The following SORCS2 variants were observed in gnomAD, a reference collection of about 807,000 sequenced individuals.
SORCS2 encodes the protein sortilin related VPS10 domain containing receptor 2, also known as VPS10 domain-containing receptor SorCS2.
In SORCS2, 100 loss-of-function variants were observed where a neutral mutation model predicts 141.6. The ratio of observed to expected loss-of-function variants is 0.71; its 90% CI spans 0.60 to 0.83. The LOEUF (loss-of-function observed/expected upper bound fraction) is 0.83. SORCS2 is among the 40% of genes least tolerant of loss of function. SORCS2 has a pLI of 0.00. For missense variants in SORCS2, 1,646 were observed against 1,560.2 expected, an observed-to-expected ratio of 1.05 and a Z score of -0.93; for synonymous variants, 789 against 676.9, an observed-to-expected ratio of 1.17 and a Z score of -2.57.
intron 2 of SORCS2, among the ~76,000 whole-genome samples, chr4:7,512,397 A>C (rs73797007): frequency 0.093 from 13,080 of 140,042 alleles, 692 homozygotes; most frequent in East Asian, 0.2. Context: ...GGGAAGAAGG[A>C]AGGAAGGAAA....
At chr4:7,533,433 G>A (rs1293691060) in intron 3 of SORCS2, among the ~76,000 whole-genome samples, 3 of 152,178 alleles carry the variant, frequency 2.0e-5, no homozygotes, top group African/African-American at 7.2e-5. Context: ...AATAGAGGAG[G>A]CCACGCCCCC....
intron 1 of SORCS2, among the ~76,000 whole-genome samples, chr4:7,380,071 C>G (rs1027795728): frequency 3.3e-5 from 5 of 152,104 alleles, no homozygotes; most frequent in African/African-American, 1.2e-4. Flanking sequence ...ATGGCCATTT[C>G]TTCAAAATGG....
At chr4:7,613,870 T>G (rs1415703422) in intron 3 of SORCS2, among the ~76,000 whole-genome samples, 1 of 151,638 alleles carries the variant, frequency 6.6e-6, no homozygotes, top group Non-Finnish European at 1.5e-5. Flanking sequence ...ATATACCCAT[T>G]CACCATCCAT....
chr4:7,628,342 A>AC (rs1162593650), intron 3 of SORCS2, among the ~76,000 whole-genome samples: 1 of 151,960 alleles, frequency 6.6e-6, no homozygotes, highest in Non-Finnish European at 1.5e-5. Flanking sequence ...GAATGGAGAA[A>AC]CCCCATCTCT....
chr4:7,365,842 C>T (rs968577377), intron 1 of SORCS2, among the ~76,000 whole-genome samples: 1 of 152,186 alleles, frequency 6.6e-6, no homozygotes, highest in Admixed American at 6.5e-5. Context: ...TGCAAAGTGT[C>T]AGATAAACTC....
At chr4:7,341,952 GT>G in intron 1 of SORCS2, among the ~76,000 whole-genome samples, 1 of 152,308 alleles carries the variant, frequency 6.6e-6, no homozygotes. Context: ...CATATATGAT[GT>G]GGTCTTTTGC....
intron 2 of SORCS2, among the ~76,000 whole-genome samples, chr4:7,440,778 A>G (rs1429337898): frequency 1.3e-5 from 2 of 152,034 alleles, no homozygotes; most frequent in Non-Finnish European, 2.9e-5. Context: ...GCCCAGCTTC[A>G]TTGCCCGGCC....
At chr4:7,509,470 A>C (rs535170347) in intron 2 of SORCS2, among the ~76,000 whole-genome samples, 148 of 152,286 alleles carry the variant, frequency 9.7e-4, no homozygotes, top group African/African-American at 3.4e-3. Context: ...GGATGACGGC[A>C]CAGCCAGGAC....
chr4:7,626,409 G>A (rs1205306554), intron 3 of SORCS2, among the ~76,000 whole-genome samples: 3 of 152,052 alleles, frequency 2.0e-5, no homozygotes, highest in African/African-American at 4.8e-5. Flanking sequence ...TTCACACTAG[G>A]CCATGTGGTA....
intron 1 of SORCS2, among the ~76,000 whole-genome samples, chr4:7,328,311 C>A (rs984289956): frequency 6.6e-6 from 1 of 151,688 alleles, no homozygotes; most frequent in South Asian, 2.1e-4. Context: ...GCTGGGTTTA[C>A]AGGCATGAGC....
chr4:7,458,442 A>AG (rs1181012009), intron 2 of SORCS2, among the ~76,000 whole-genome samples: 3 of 152,104 alleles, frequency 2.0e-5, no homozygotes, highest in Admixed American at 6.5e-5. Flanking sequence ...TGAGCAAAGA[A>AG]GGATGTGGGG....
intron 1 of SORCS2, among the ~76,000 whole-genome samples, chr4:7,265,455 C>T (rs1160742110): frequency 1.3e-5 from 2 of 152,136 alleles, no homozygotes; most frequent in Admixed American, 6.5e-5. Context: ...TGCACCACTG[C>T]ACTCCAGCCT....
At chr4:7,589,094 G>A (rs758094659) in intron 3 of SORCS2, among the ~76,000 whole-genome samples, 3 of 152,176 alleles carry the variant, frequency 2.0e-5, no homozygotes, top group Admixed American at 6.5e-5. Flanking sequence ...GGTGTGGGGC[G>A]AAGGGGTTCA....
chr4:7,493,654 G>T (rs1731439077), intron 2 of SORCS2, among the ~76,000 whole-genome samples: 1 of 152,202 alleles, frequency 6.6e-6, no homozygotes, highest in African/African-American at 2.4e-5. Context: ...TCTGCCCAGG[G>T]TGACCTGAGC....
chr4:7,538,178 C>A (rs1442761920), intron 3 of SORCS2, among the ~76,000 whole-genome samples: 1 of 152,212 alleles, frequency 6.6e-6, no homozygotes, highest in East Asian at 1.9e-4. Flanking sequence ...CTCCATTTAG[C>A]AACAATTACA....
rs138816684 is a variant in SORCS2 at position 7,475,942 on chromosome 4, G to A, written c.549-55588G>A. 5.6e-4 allele frequency among the ~76,000 whole-genome samples: 86 copies of A among 152,340 alleles called. 1 individual carries two copies. The highest frequency in any genetic ancestry group is 1.9e-3 in the African/African-American group (78 of 41,572). On this transcript the variant is annotated intron_variant, in intron 2 of 26. Coordinates refer to ENST00000507866, the MANE Select transcript of SORCS2 (RefSeq NM_020777.3). The stretch of plus-strand genomic sequence containing the variant: ...ATGTTCTTGTCCCTTCGGCTGTGAC[G>A]AAGGACTCCAGTCTCCTTGGCTGGG...
rs753801047 is a variant in SORCS2 at position 7,714,310 on chromosome 4, G to A, written c.2060G>A (p.Gly687Glu). 5 of 1,600,568 alleles carry A rather than the reference G, an allele frequency of 3.1e-6. No homozygotes were observed. In the Admixed American group the frequency reaches 5.1e-5, roughly 16 times the overall value. The change falls in exon 16 of 27, where the codon GGG becomes GAG. Residue 687 changes from glycine (G) to glutamate (E), a missense_variant. Transcript: ENST00000507866. The part of the protein sequence containing the change: ...KRKSTSWCIK[G>E]RSFTSALTSR... Reference sequence around the variant, plus strand: ...AAGTCCACGTCCTGGTGCATCAAGGGGAGGAGCTTCACGTCGGCGCTCACG... The same window carrying A: ...AAGTCCACGTCCTGGTGCATCAAGGAGAGGAGCTTCACGTCGGCGCTCACG...
At chr4:7,712,532 C>T (rs751002808) in intron 14 of SORCS2, among the ~76,000 whole-genome samples, 5 of 152,348 alleles carry the variant, frequency 3.3e-5, no homozygotes, top group South Asian at 4.1e-4. Flanking sequence ...GGAATATTCA[C>T]GCCGAAGCCT....
chr4:7,241,102 A>T (rs1378817544), intron 1 of SORCS2, among the ~76,000 whole-genome samples: 3 of 151,482 alleles, frequency 2.0e-5, no homozygotes, highest in Non-Finnish European at 4.4e-5. Flanking sequence ...GCCTGGCTAA[A>T]TTTTTTTTGT....
Sources: allele counts gnomAD v4.1 joint callset (sites outside exome capture counted in the v4.1 genomes callset), GRCh38; gene constraint gnomAD v4.1.1; transcripts MANE v1.5; gene names NCBI Gene and HGNC (gene_info 2026-07-23, HGNC 2026-07-21).